AGMO: variants seen among roughly 807,000 people sequenced by gnomAD.
AGMO encodes glyceryl-ether monooxygenase.
In AGMO, 75 loss-of-function variants were observed where a neutral mutation model predicts 60.2. The ratio of observed to expected loss-of-function variants is 1.25; its 90% CI spans 1.03 to 1.51. The LOEUF (loss-of-function observed/expected upper bound fraction) is 1.51. Among genes scored for constraint, AGMO ranks in the 40% most tolerant of loss-of-function variants. The pLI, the probability that AGMO is intolerant of heterozygous loss-of-function variation, is 0.00. For missense variants in AGMO, 763 were observed against 525.5 expected, an observed-to-expected ratio of 1.45 and a Z score of -4.42; for synonymous variants, 261 against 177.1, an observed-to-expected ratio of 1.47 and a Z score of -3.76.
At chr7:15,502,407 C>G (rs948453617) in intron 3 of AGMO, among the ~76,000 whole-genome samples, 3 of 151,862 alleles carry the variant, frequency 2.0e-5, no homozygotes, top group Non-Finnish European at 4.4e-5. Context: ...GCTGCTGTCA[C>G]CTTGGAGAGA....
chr7:15,152,694 G>C, the AGMO span, among the ~76,000 whole-genome samples: 1 of 152,106 alleles, frequency 6.6e-6, no homozygotes, highest in Non-Finnish European at 1.5e-5. Flanking sequence ...TTATGGCTGA[G>C]TGGTATTCCA....
At chr7:15,156,113 C>A in the AGMO span, among the ~76,000 whole-genome samples, 2 of 152,144 alleles carry the variant, frequency 1.3e-5, no homozygotes, top group Admixed American at 1.3e-4. Context: ...ATATGCACAC[C>A]AGTAGAGTGG....
In AGMO at chr7:15,217,869, A is replaced by T. The variant is rs139095458; in HGVS notation, c.1264-16510T>A. Among the ~76,000 whole-genome samples, 1,236 of 152,160 alleles carry T rather than the reference A, an allele frequency of 8.1e-3. 18 individuals are homozygous for T. Among genetic ancestry groups the T allele is most frequent in the African/African-American group, 0.028 (1,152 of 41,552 alleles). On this transcript the variant is annotated intron_variant, in intron 12 of 12. Coordinates refer to ENST00000342526, the MANE Select transcript of AGMO (RefSeq NM_001004320.2). ...GCACACTGTTAATTTATTGTTCGCC[A>T]TAATTTATGAGAAATATTATTATTT...
intron 12 of AGMO, among the ~76,000 whole-genome samples, chr7:15,219,435 A>G (rs902965009): frequency 6.6e-6 from 1 of 152,172 alleles, no homozygotes; most frequent in African/African-American, 2.4e-5. Context: ...CTAGCTGAAC[A>G]CAGGAGGAAG....
At chr7:15,130,110 C>T in the AGMO span, among the ~76,000 whole-genome samples, 4 of 152,130 alleles carry the variant, frequency 2.6e-5, no homozygotes, top group East Asian at 5.8e-4. Context: ...ATGAATCAAA[C>T]TAGAAATATA....
At chr7:15,167,978 C>T in the AGMO span, among the ~76,000 whole-genome samples, 1 of 152,172 alleles carries the variant, frequency 6.6e-6, no homozygotes, top group East Asian at 1.9e-4. Context: ...CCTTGGTGAA[C>T]ACACAAGAAT....
intron 12 of AGMO, among the ~76,000 whole-genome samples, chr7:15,274,407 T>G (rs768846773): frequency 3.9e-5 from 6 of 152,224 alleles, no homozygotes; most frequent in Admixed American, 6.5e-5. Context: ...TCTGTTTATA[T>G]GCTGGATTAC....
chr7:15,447,869 T>C (rs1163069379), intron 3 of AGMO, among the ~76,000 whole-genome samples: 3 of 152,220 alleles, frequency 2.0e-5, no homozygotes, highest in Non-Finnish European at 4.4e-5. Context: ...TTCTCACTTC[T>C]ATGAGTGAGT....
intron 12 of AGMO, among the ~76,000 whole-genome samples, chr7:15,297,066 TCA>T (rs35168870): frequency 6.6e-6 from 1 of 151,766 alleles, no homozygotes; most frequent in Non-Finnish European, 1.5e-5. Flanking sequence ...TCTCTCTCTC[TCA>T]CACACACAGA....
intron 12 of AGMO, among the ~76,000 whole-genome samples, chr7:15,237,118 G>C (rs1782446341): frequency 6.6e-6 from 1 of 151,638 alleles, no homozygotes; most frequent in Admixed American, 6.6e-5. Context: ...CTTCCCTAAA[G>C]ATTATTTTGC....
chr7:15,122,429 A>T, the AGMO span, among the ~76,000 whole-genome samples: 2 of 152,110 alleles, frequency 1.3e-5, no homozygotes, highest in Non-Finnish European at 2.9e-5. Context: ...CCAATTGCTA[A>T]ATTAACATTT....
chr7:15,542,164 A>G (rs1030187966), intron 3 of AGMO, among the ~76,000 whole-genome samples: 1 of 152,184 alleles, frequency 6.6e-6, no homozygotes, highest in Non-Finnish European at 1.5e-5. Context: ...AAAATTTAAA[A>G]ATTAAGCATT....
At chr7:15,352,263 G>A (rs971829044) in intron 12 of AGMO, among the ~76,000 whole-genome samples, 6 of 152,008 alleles carry the variant, frequency 3.9e-5, no homozygotes, top group African/African-American at 1.5e-4. Flanking sequence ...ATATAAGATG[G>A]CCTCCCTACT....
intron 3 of AGMO, among the ~76,000 whole-genome samples, chr7:15,445,618 G>A (rs1013369605): frequency 3.9e-5 from 6 of 152,050 alleles, no homozygotes; most frequent in Admixed American, 1.3e-4. Flanking sequence ...TTTTGAGATT[G>A]GGAAAATATG....
chr7:15,303,693 A>G (rs73062585), intron 12 of AGMO, among the ~76,000 whole-genome samples: 3,341 of 152,260 alleles, frequency 0.022, 45 homozygotes, highest in Middle Eastern at 0.044. Context: ...AAAGCAGAAG[A>G]AGGAAGTGGA....
At chr7:15,195,968 A>G (rs1166144056), downstream of AGMO, among the ~76,000 whole-genome samples, 1 of 151,946 alleles carries the variant, frequency 6.6e-6, no homozygotes, top group Non-Finnish European at 1.5e-5. Context: ...GCTGATGCTT[A>G]CATAGTATTT....
At chr7:15,506,205 T>C (rs1165646761) in intron 3 of AGMO, among the ~76,000 whole-genome samples, 1 of 152,058 alleles carries the variant, frequency 6.6e-6, no homozygotes, top group East Asian at 1.9e-4. Flanking sequence ...AAAGTTTTCA[T>C]AATTGAGCAT....
chr7:15,325,167 T>C (rs1206047298), intron 12 of AGMO, among the ~76,000 whole-genome samples: 1 of 152,192 alleles, frequency 6.6e-6, no homozygotes, highest in Non-Finnish European at 1.5e-5. Flanking sequence ...AAATATATAC[T>C]GGATAGATAG....
At chr7:15,147,334 T>C in the AGMO span, among the ~76,000 whole-genome samples, 1 of 152,218 alleles carries the variant, frequency 6.6e-6, no homozygotes, top group African/African-American at 2.4e-5. Context: ...TCCACAGTTC[T>C]AGATAGCTGG....
Sources: gnomAD v4.1 joint callset for allele counts (sites outside exome capture counted in the v4.1 genomes callset) on GRCh38, gnomAD v4.1.1 for gene constraint, MANE v1.5 for transcripts, NCBI Gene and HGNC (gene_info 2026-07-23, HGNC 2026-07-21) for gene names.